The following RIGI variants were observed in gnomAD, a reference collection of about 807,000 sequenced individuals.
RIGI encodes antiviral innate immune response receptor RIG-I.
At chr9:32,474,022 C>T in the RIGI span, among the ~76,000 whole-genome samples, 4 of 151,890 alleles carry the variant, frequency 2.6e-5, no homozygotes, top group East Asian at 1.9e-4. Flanking sequence ...ACCGAGACTC[C>T]GTCTCAAAAT....
At chr9:32,465,891 G>GTAT in the RIGI span, among the ~76,000 whole-genome samples, 4 of 152,310 alleles carry the variant, frequency 2.6e-5, no homozygotes, top group South Asian at 8.3e-4. Context: ...ATTCCAAGGT[G>GTAT]TATATCATTG....
chr9:32,483,792 T>TCA, the RIGI span, among the ~76,000 whole-genome samples: 1 of 152,080 alleles, frequency 6.6e-6, no homozygotes, highest in Admixed American at 6.5e-5. Flanking sequence ...CACTCTCCTT[T>TCA]CAGCATTCTA....
At chr9:32,459,423 C>T in the RIGI span, 1 of 1,613,812 alleles carries the variant, frequency 6.2e-7, no homozygotes. Context: ...GCACTTTCTG[C>T]AGAGCAGTTT....
the RIGI span, among the ~76,000 whole-genome samples, chr9:32,484,384 G>T: frequency 1.3e-5 from 2 of 152,114 alleles, no homozygotes; most frequent in African/African-American, 4.8e-5. Flanking sequence ...GACACTCCAT[G>T]AGGTGTCTTA....
At chr9:32,501,764 G>C in the RIGI span, among the ~76,000 whole-genome samples, 1 of 152,146 alleles carries the variant, frequency 6.6e-6, no homozygotes, top group Non-Finnish European at 1.5e-5. Context: ...TATTCTCATA[G>C]ATTAGAAGAA....
chr9:32,493,729 TCCC>T, the RIGI span: 1 of 1,377,642 alleles, frequency 7.3e-7, no homozygotes, highest in Non-Finnish European at 1.0e-6. Context: ...TATAATTATT[TCCC>T]CCAATTTTAG....
the RIGI span, among the ~76,000 whole-genome samples, chr9:32,458,463 A>T: frequency 6.6e-6 from 1 of 152,168 alleles, no homozygotes; most frequent in Admixed American, 6.5e-5. Context: ...GTAGCAAGGT[A>T]GGTTTTTTGA....
the RIGI span, among the ~76,000 whole-genome samples, chr9:32,512,500 C>T: frequency 1.3e-5 from 2 of 152,198 alleles, no homozygotes; most frequent in African/African-American, 4.8e-5. Flanking sequence ...CAGAAAACGC[C>T]GTTGATAAAA....
chr9:32,463,079 C>T, the RIGI span, among the ~76,000 whole-genome samples: 1 of 152,002 alleles, frequency 6.6e-6, no homozygotes, highest in Non-Finnish European at 1.5e-5. Context: ...GAGCCAATAT[C>T]ACACCACTGC....
At chr9:32,500,342 C>G in the RIGI span, among the ~76,000 whole-genome samples, 2 of 152,096 alleles carry the variant, frequency 1.3e-5, no homozygotes, top group Non-Finnish European at 2.9e-5. Flanking sequence ...GATCTCAAGC[C>G]TCCTTCTCTA....
the RIGI span, chr9:32,492,445 GT>G: frequency 6.6e-5 from 106 of 1,614,044 alleles, no homozygotes; most frequent in Middle Eastern, 4.9e-4. Flanking sequence ...TCCAAAGCAA[GT>G]TTCAAAGTTT....
At chr9:32,473,972 G>A in the RIGI span, among the ~76,000 whole-genome samples, 1 of 152,196 alleles carries the variant, frequency 6.6e-6, no homozygotes, top group Non-Finnish European at 1.5e-5. Context: ...AGGTTGCAGT[G>A]AGCCGAGGTT....
At chr9:32,480,262 T>G in the RIGI span, 3 of 1,611,528 alleles carry the variant, frequency 1.9e-6, no homozygotes, top group Non-Finnish European at 2.5e-6. Context: ...CATCGAATCC[T>G]GCTGCTCGGA....
At chr9:32,464,757 C>T in the RIGI span, among the ~76,000 whole-genome samples, 1 of 152,156 alleles carries the variant, frequency 6.6e-6, no homozygotes, top group Non-Finnish European at 1.5e-5. Flanking sequence ...ACAGGGATAC[C>T]AACACAACTC....
the RIGI span, among the ~76,000 whole-genome samples, chr9:32,471,173 A>G: frequency 1.3e-5 from 2 of 152,260 alleles, no homozygotes; most frequent in Non-Finnish European, 2.9e-5. Flanking sequence ...CATGAGAATC[A>G]CTTGAAACTG....
the RIGI span, chr9:32,467,910 C>T: frequency 4.4e-6 from 7 of 1,604,688 alleles, no homozygotes; most frequent in South Asian, 3.3e-5. Flanking sequence ...CCAATATACA[C>T]TTCTGTGCCG....
chr9:32,484,168 G>A, the RIGI span, among the ~76,000 whole-genome samples: 849 of 152,300 alleles, frequency 5.6e-3, 2 homozygotes, highest in South Asian at 0.027. Context: ...GGTTAGAGGC[G>A]TGAAGATTAT....
At chr9:32,503,831 C>T in the RIGI span, among the ~76,000 whole-genome samples, 3 of 152,122 alleles carry the variant, frequency 2.0e-5, no homozygotes, top group African/African-American at 7.2e-5. Flanking sequence ...CACTTGAGGT[C>T]AGGAGTTCAA....
the RIGI span, among the ~76,000 whole-genome samples, chr9:32,463,169 C>G: frequency 6.6e-6 from 1 of 152,220 alleles, no homozygotes; most frequent in South Asian, 2.1e-4. Flanking sequence ...TTCCCCTTCC[C>G]CACTTCTTGG....
Sources: allele counts gnomAD v4.1 joint callset (sites outside exome capture counted in the v4.1 genomes callset), GRCh38; gene constraint gnomAD v4.1.1; transcripts MANE v1.5; gene names NCBI Gene and HGNC (gene_info 2026-07-23, HGNC 2026-07-21).